Variants in CUX2 observed in about 807,000 individuals in gnomAD.
CUX2 encodes homeobox protein cut-like 2.
CUX2 carries 40 observed loss-of-function variants against 144.8 expected under a neutral mutation model. The ratio of observed to expected loss-of-function variants is 0.28; its 90% CI spans 0.21 to 0.36. The LOEUF (loss-of-function observed/expected upper bound fraction) is 0.36. CUX2 is among the 10% of genes least tolerant of loss of function. The pLI, the probability that CUX2 is intolerant of heterozygous loss-of-function variation, is 1.00. For synonymous variants in CUX2, 827 were observed against 875.6 expected (o/e 0.94, Z 0.98); for missense variants, 1,615 against 1,994.0 (o/e 0.81, Z 3.62).
intron 1 of CUX2, among the ~76,000 whole-genome samples, chr12:111,196,358 G>A (rs966156496): frequency 2.6e-5 from 4 of 152,186 alleles, no homozygotes; most frequent in African/African-American, 9.6e-5. Flanking sequence ...ATTCTCTTGG[G>A]TAGAGGAGTG....
At chr12:111,256,832 G>A (rs1818873916) in intron 3 of CUX2, among the ~76,000 whole-genome samples, 2 of 152,134 alleles carry the variant, frequency 1.3e-5, no homozygotes, top group South Asian at 4.2e-4. Context: ...GGGGAAGGCG[G>A]GGATTTCAAA....
At position 111,219,343 on chromosome 12, in the gene CUX2, A is replaced by G. The variant is rs2136230816; in HGVS notation, c.222+1406A>G. 1.3e-5 allele frequency among the ~76,000 whole-genome samples: 2 copies of G among 152,066 alleles called. 1 individual carries two copies. The highest frequency in any genetic ancestry group is 4.2e-4 in the South Asian group (2 of 4,810). On this transcript the variant is annotated intron_variant, in intron 3 of 21. Transcript: ENST00000261726. ...AAAAACTAGACAGACCAATAATGTT[A>G]GGAACTTTGTGTTCCTATATAATGT...
At chr12:111,306,822 A>G in intron 10 of CUX2, 99 bp from the exon 11 acceptor site, 1 of 987,756 alleles carries the variant, frequency 1.0e-6, no homozygotes, top group Non-Finnish European at 1.5e-6. Flanking sequence ...ATCCAGATCA[A>G]CAAATTTGCA....
chr12:111,108,767 CT>C (rs1429938885), intron 1 of CUX2, among the ~76,000 whole-genome samples: 1 of 150,688 alleles, frequency 6.6e-6, no homozygotes, highest in African/African-American at 2.5e-5. Flanking sequence ...CTCTCTCTCT[CT>C]TTTTTTGCAA....
chr12:111,183,466 G>A (rs1174993105), intron 1 of CUX2, among the ~76,000 whole-genome samples: 1 of 152,258 alleles, frequency 6.6e-6, no homozygotes, highest in Non-Finnish European at 1.5e-5. Context: ...ATAGGCAGAA[G>A]CAACACCGGG....
chr12:111,179,601 T>C (rs982560591), intron 1 of CUX2, among the ~76,000 whole-genome samples: 1 of 151,988 alleles, frequency 6.6e-6, no homozygotes, highest in Non-Finnish European at 1.5e-5. Context: ...GTGGTTGTTG[T>C]TGTTGTTGTT....
At chr12:111,298,612 C>T (rs1338117878) in intron 9 of CUX2, 23 bp downstream of exon 9, 11 of 1,556,930 alleles carry the variant, frequency 7.1e-6, no homozygotes, top group Non-Finnish European at 9.6e-6. Flanking sequence ...AGTTCCCACC[C>T]GTGGGTGCCA....
intron 18 of CUX2, among the ~76,000 whole-genome samples, chr12:111,326,455 T>G (rs373514176): frequency 1.7e-3 from 226 of 136,632 alleles, no homozygotes; most frequent in Non-Finnish European, 2.6e-3. Flanking sequence ...TGTGGTGGGG[T>G]AGGGGTTGGT....
chr12:111,204,432 TG>T (rs1880790204), intron 1 of CUX2, among the ~76,000 whole-genome samples: 1 of 151,936 alleles, frequency 6.6e-6, no homozygotes, highest in African/African-American at 2.4e-5. Flanking sequence ...AGTTATTGAG[TG>T]GATAGATGGA....
At chr12:111,270,104 G>A (rs983528753) in intron 4 of CUX2, 3 of 152,164 alleles carry the variant, frequency 2.0e-5, no homozygotes, top group African/African-American at 4.8e-5. Flanking sequence ...AATGTCAAAT[G>A]TGTGTTGGGC....
In CUX2 at chr12:111,304,094, C is replaced by A; in HGVS notation, c.754-116C>A. The A allele has an allele frequency of 1.3e-6, 1 of 741,784 alleles. No individual in the cohort carries two copies. Among genetic ancestry groups the A allele is most frequent in the Non-Finnish European group, 2.3e-6 (1 of 435,860 alleles). The allele number at this position is 741,784 out of a possible 1,614,324, so 46.0% of individuals were successfully genotyped here. The stretch of plus-strand genomic sequence containing the variant: ...AGGACAGGGTCCGGGACTAGGAAGG[C>A]AGGACCTGAGGCCCTCGGAGGTCTG... On this transcript the variant is annotated intron_variant, in intron 9 of 21. Transcript: ENST00000261726. This position sits in a 1 kb window ranked among gnomAD's most constrained non-coding sequence, Gnocchi z 4.7.
intron 1 of CUX2, among the ~76,000 whole-genome samples, chr12:111,163,101 C>T (rs1179615860): frequency 6.6e-6 from 1 of 151,768 alleles, no homozygotes; most frequent in Non-Finnish European, 1.5e-5. Flanking sequence ...AATCTCAGCT[C>T]TGCTGCTGAC....
chr12:111,283,340 G>A (rs73199849), intron 4 of CUX2, among the ~76,000 whole-genome samples: 6,809 of 152,150 alleles, frequency 0.045, 172 homozygotes, highest in South Asian at 0.087. Flanking sequence ...TTCCAGCATC[G>A]GGCAGGACTA....
intron 1 of CUX2, among the ~76,000 whole-genome samples, chr12:111,111,798 CAG>C (rs1415253406): frequency 1.3e-5 from 2 of 152,134 alleles, no homozygotes; most frequent in Non-Finnish European, 2.9e-5. Context: ...ACTTGAATTA[CAG>C]AGTTTGAGTC....
intron 1 of CUX2, among the ~76,000 whole-genome samples, chr12:111,211,405 G>A (rs1395251738): frequency 1.3e-5 from 2 of 152,228 alleles, no homozygotes; most frequent in Non-Finnish European, 2.9e-5. Context: ...CAGCCTGGGA[G>A]GTGCAGGTGG....
intron 3 of CUX2, among the ~76,000 whole-genome samples, chr12:111,232,108 T>C (rs1187774095): frequency 6.6e-6 from 1 of 151,560 alleles, no homozygotes; most frequent in Non-Finnish European, 1.5e-5. Flanking sequence ...CAGCCCTGAG[T>C]ATGACACTCA....
chr12:111,325,475 C>T (rs967311957), intron 18 of CUX2, among the ~76,000 whole-genome samples: 1 of 152,174 alleles, frequency 6.6e-6, no homozygotes, highest in Non-Finnish European at 1.5e-5. Flanking sequence ...CAGTGACTTG[C>T]CCAAGGCCAT....
At chr12:111,153,663 A>G (rs192694842) in intron 1 of CUX2, among the ~76,000 whole-genome samples, 72 of 152,346 alleles carry the variant, frequency 4.7e-4, no homozygotes, top group Non-Finnish European at 7.6e-4. Flanking sequence ...ACATGACTAT[A>G]CCTGCCCTCT....
chr12:111,316,087 A>G (rs1420318466), intron 16 of CUX2, among the ~76,000 whole-genome samples: 1 of 151,752 alleles, frequency 6.6e-6, no homozygotes, highest in Non-Finnish European at 1.5e-5. Flanking sequence ...CTCCCATAGT[A>G]GGCAAGTATG....
Sources: gnomAD v4.1 joint callset for allele counts (sites outside exome capture counted in the v4.1 genomes callset) on GRCh38, gnomAD v4.1.1 for gene constraint, Gnocchi (gnomAD v3.1) non-coding constraint, MANE v1.5 for transcripts, NCBI Gene and HGNC (gene_info 2026-07-23, HGNC 2026-07-21) for gene names.